Variants in CASD1 observed in about 807,000 individuals in gnomAD.
CASD1 encodes CAS1 domain sialic acid O acetyltransferase 1.
A neutral mutation model predicts 100.0 loss-of-function variants in CASD1; 41 were observed. The observed-to-expected ratio is 0.41, with a 90% CI of 0.32 to 0.53. CASD1 has a LOEUF of 0.53. CASD1 is among the 20% of genes least tolerant of loss of function. The probability of loss-of-function intolerance (pLI) is 0.25; values close to 1 mark genes in which losing one functional copy is unlikely to be tolerated. For synonymous variants in CASD1, 321 were observed against 315.6 expected (o/e 1.02, Z -0.18); for missense variants, 774 against 948.7 (o/e 0.82, Z 2.42).
chr7:94,536,412 G>C (rs1209460817), intron 8 of CASD1, among the ~76,000 whole-genome samples: 3 of 152,106 alleles, frequency 2.0e-5, no homozygotes, highest in Admixed American at 2.0e-4. Context: ...ATTATTTTAA[G>C]TTTTTTTCTC....
chr7:94,510,258 A>C, intron 1 of CASD1, 41 bp downstream of exon 1: 1 of 1,356,236 alleles, frequency 7.4e-7, no homozygotes, highest in Non-Finnish European at 9.6e-7. Flanking sequence ...GCCGTGGGGG[A>C]GGCGGCGACG....
rs1182971097 is a variant in CASD1, at chr7:94,551,432, A to G, written c.1910A>G (p.Asn637Ser). Reference protein sequence around the residue: ...SEGKGEPLFSNKISNFLLFIS... With the variant: ...SEGKGEPLFSSKISNFLLFIS... ...GGAAAGGGTGAACCTCTTTTTTCAAACAAAATTTCAAATTTTCTGTTGTTT... is the reference window on the plus strand; with the variant it reads ...GGAAAGGGTGAACCTCTTTTTTCAAGCAAAATTTCAAATTTTCTGTTGTTT... Residue 637 changes from asparagine (N) to serine (S), a missense_variant, in exon 15 of 18, where the codon AAC (asparagine) becomes AGC (serine). Physicochemically the swap from Asn to Ser is conservative, Grantham distance 46. Coordinates refer to ENST00000297273, the MANE Select transcript of CASD1 (RefSeq NM_022900.5). 6.5e-7 allele frequency: 1 copy of G among 1,534,880 alleles called. No individual in the cohort carries two copies. Among genetic ancestry groups the G allele is most frequent in the South Asian group, 1.3e-5 (1 of 76,070 alleles).
At chr7:94,605,824 T>C in the CASD1 span, among the ~76,000 whole-genome samples, 1 of 151,928 alleles carries the variant, frequency 6.6e-6, no homozygotes, top group Non-Finnish European at 1.5e-5. Context: ...AGATTTATAT[T>C]TTATTTTATT....
intron 12 of CASD1, 112 bp downstream of exon 12, chr7:94,545,813 T>C (rs1017809021): frequency 1.7e-6 from 1 of 598,062 alleles, no homozygotes; most frequent in Non-Finnish European, 2.7e-6. Context: ...AGTTTAAATT[T>C]ATATGTAGTT....
At chr7:94,546,071 G>A (rs1170332168) in intron 12 of CASD1, among the ~76,000 whole-genome samples, 2 of 151,892 alleles carry the variant, frequency 1.3e-5, no homozygotes, top group African/African-American at 2.4e-5. Context: ...ATGCCCCTAT[G>A]TTTTGCTTCA....
At chr7:94,528,820 G>A (rs1794707155) in intron 5 of CASD1, among the ~76,000 whole-genome samples, 1 of 152,108 alleles carries the variant, frequency 6.6e-6, no homozygotes, top group African/African-American at 2.4e-5. Context: ...TTTCCATACA[G>A]TCTGTCAGTC....
chr7:94,588,105 A>T, the CASD1 span: 1 of 1,182,912 alleles, frequency 8.5e-7, no homozygotes. Flanking sequence ...GAATGAAATA[A>T]TTGGCTGTGG....
Position 94,533,675 on chromosome 7 carries a change from T to G in CASD1, c.505-4T>G. On this transcript the variant is annotated splice_polypyrimidine_tract_variant and splice_region_variant and intron_variant, in intron 6 of 17. Coordinates refer to ENST00000297273, the MANE Select transcript of CASD1 (RefSeq NM_022900.5). The stretch of plus-strand genomic sequence containing the variant: ...ATTAATGCATAATTTGTACTTCTTT[T>G]TAGTGGTCCATCAAGATTCACAATG... The G allele has an allele frequency of 6.3e-7, 1 of 1,589,296 alleles. No individual in the cohort carries two copies. Among genetic ancestry groups the G allele is most frequent in the South Asian group, 1.2e-5 (1 of 86,290 alleles).
the CASD1 span, chr7:94,598,476 T>A: frequency 1.5e-5 from 5 of 332,260 alleles, no homozygotes; most frequent in African/African-American, 4.3e-5. Context: ...TTCTTTTTTT[T>A]ATAATTAACT....
chr7:94,537,553 G>T lies in CASD1; in HGVS notation c.925G>T (p.Val309Phe), dbSNP rs149422673. Residue 309 changes from valine (V) to phenylalanine (F), a missense_variant, in exon 9 of 18, where the codon GTT (valine) becomes TTT (phenylalanine). By Grantham distance (50) the Val-to-Phe change is conservative. Around this residue, in one of 5 missense-constraint regions of CASD1, gnomAD observed 453 missense variants for 532.6 expected, o/e 0.85. Transcript: ENST00000297273. ...DGSCCQPRPPVTLIQKLAACF... is the reference protein window; with the variant it reads ...DGSCCQPRPPFTLIQKLAACF... ...GTCCTGTTGTCAACCTCGGCCTCCT[G>T]TTACTCTCATACAGAAGCTAGCTGC... is the stretch of plus-strand genomic sequence containing the variant. 1,242 of 1,613,864 alleles carry T rather than the reference G, an allele frequency of 7.7e-4. 11 individuals are homozygous for T. The highest frequency in any genetic ancestry group is 2.8e-4 in the Non-Finnish European group (334 of 1,179,856).
the CASD1 span, chr7:94,623,539 G>T: frequency 4.7e-6 from 3 of 634,876 alleles, no homozygotes; most frequent in Non-Finnish European, 8.4e-6. Flanking sequence ...CCTTCTCTGG[G>T]CAATGAGAAC....
the CASD1 span, among the ~76,000 whole-genome samples, chr7:94,610,995 A>G: frequency 6.6e-6 from 1 of 152,226 alleles, no homozygotes; most frequent in African/African-American, 2.4e-5. Flanking sequence ...AAGGCAGATA[A>G]TAGCTAGTGC....
At chr7:94,603,471 C>G in the CASD1 span, 2 of 1,610,180 alleles carry the variant, frequency 1.2e-6, no homozygotes, top group Non-Finnish European at 8.5e-7. Flanking sequence ...ATGTGAAACT[C>G]TCAGGTTATC....
the CASD1 span, chr7:94,603,394 T>A: frequency 6.2e-7 from 1 of 1,613,348 alleles, no homozygotes; most frequent in Non-Finnish European, 8.5e-7. Context: ...TTCTGTGGAT[T>A]TTCAACTTCT....
chr7:94,514,893 G>A (rs978201146), intron 1 of CASD1, among the ~76,000 whole-genome samples: 3 of 151,850 alleles, frequency 2.0e-5, no homozygotes, highest in African/African-American at 7.3e-5. Context: ...AACAACCGAA[G>A]TTTTGTTTTG....
chr7:94,576,449 G>A, the CASD1 span, among the ~76,000 whole-genome samples: 2 of 152,150 alleles, frequency 1.3e-5, no homozygotes, highest in Admixed American at 1.3e-4. Context: ...GGTATTTATT[G>A]TAAACACCTG....
At chr7:94,527,569 G>C (rs1794638033) in intron 4 of CASD1, among the ~76,000 whole-genome samples, 1 of 152,146 alleles carries the variant, frequency 6.6e-6, no homozygotes, top group South Asian at 2.1e-4. Flanking sequence ...GTGGGACAAG[G>C]ATGGCAGAAA....
chr7:94,558,467 A>G (rs1796279559), downstream of CASD1, among the ~76,000 whole-genome samples: 2 of 152,314 alleles, frequency 1.3e-5, no homozygotes, highest in Middle Eastern at 3.4e-3. Flanking sequence ...CACATCATTC[A>G]AGAGAAAAAT....
the CASD1 span, chr7:94,588,228 T>C: frequency 9.5e-7 from 1 of 1,051,258 alleles, no homozygotes; most frequent in African/African-American, 1.7e-5. Flanking sequence ...ATAACAGCTT[T>C]TTAAAGCGGC....
Sources: gnomAD v4.1 joint callset for allele counts (sites outside exome capture counted in the v4.1 genomes callset) on GRCh38, gnomAD v4.1.1 for gene constraint, gnomAD v4.1.1 regional missense constraint, MANE v1.5 for transcripts, NCBI Gene and HGNC (gene_info 2026-07-23, HGNC 2026-07-21) for gene names.